EIF4G1: variants seen among roughly 807,000 people sequenced by gnomAD.
EIF4G1 encodes EIF4-gamma.
EIF4G1 carries 4 observed loss-of-function variants against 187.8 expected under a neutral mutation model. That is an observed-to-expected ratio of 0.02 (90% CI 0.01 to 0.05). The LOEUF is 0.05. Ranked by LOEUF, EIF4G1 falls within the 10% of genes least tolerant of loss-of-function variation. The pLI is 1.00. For missense variants in EIF4G1, 1,647 were observed against 2,081.1 expected, an observed-to-expected ratio of 0.79 and a Z score of 4.06; for synonymous variants, 844 against 781.4, an observed-to-expected ratio of 1.08 and a Z score of -1.34.
chr3:184,334,677 T>A lies in EIF4G1; in HGVS notation c.4619-50T>A. 1 of 1,612,270 alleles carries A rather than the reference T, an allele frequency of 6.2e-7. No individual in the cohort carries two copies. Among genetic ancestry groups the A allele is most frequent in the Non-Finnish European group, 8.5e-7 (1 of 1,178,748 alleles). ...CTTGGGAGGGTTCCCTGGGGTGGGC[T>A]GGGGTGGCGGTGGCCAGTCACCTCT... On this transcript the variant is annotated intron_variant, in intron 32 of 32. Coordinates refer to ENST00000346169, the MANE Select transcript of EIF4G1 (RefSeq NM_198241.3). This position sits in a 1 kb window ranked among gnomAD's most constrained non-coding sequence, Gnocchi z 5.8.
intron 32 of EIF4G1, among the ~76,000 whole-genome samples, chr3:184,332,378 A>G (rs1426238865): frequency 6.6e-6 from 1 of 152,160 alleles, no homozygotes; most frequent in Non-Finnish European, 1.5e-5. Context: ...GTGTGCCCCC[A>G]CGGCGTGGCA....
At position 184,325,682 on chromosome 3, in the gene EIF4G1, C is replaced by T. The variant is rs372312128; in HGVS notation, c.3121+43C>T. 204 of 1,613,998 alleles carry T rather than the reference C, an allele frequency of 1.3e-4. No individual in the cohort carries two copies. The highest frequency in any genetic ancestry group is 1.5e-4 in the Admixed American group (9 of 60,018). Reference sequence around the variant, plus strand: ...ATTGAGAAGGGAGCAGTGAAGGGACCGGGAGGTTATACTTTCCTCTGATGA... The same window carrying T: ...ATTGAGAAGGGAGCAGTGAAGGGACTGGGAGGTTATACTTTCCTCTGATGA... On this transcript the variant is annotated intron_variant, in intron 20 of 32. Transcript: ENST00000346169. This position sits in a 1 kb window ranked among gnomAD's most constrained non-coding sequence, Gnocchi z 5.2.
Position 184,326,073 on chromosome 3 carries a change from G to A in EIF4G1, c.3222+122G>A, listed in dbSNP as rs1724835268. 13 of 1,070,642 alleles carry A rather than the reference G, an allele frequency of 1.2e-5. No individual in the cohort carries two copies. The South Asian group carries it at 1.6e-4, about 13-fold the overall frequency. The allele number at this position is 1,070,642 out of a possible 1,614,324, so 66.3% of individuals were successfully genotyped here. ...CTTAGACTAACTGGTTGGATTGCTGGAGACAGGACTGCCAGCTGTAGAGGG... is the reference window on the plus strand; with the variant it reads ...CTTAGACTAACTGGTTGGATTGCTGAAGACAGGACTGCCAGCTGTAGAGGG... On this transcript the variant is annotated intron_variant, in intron 21 of 32. Coordinates refer to ENST00000346169, the MANE Select transcript of EIF4G1 (RefSeq NM_198241.3).
Position 184,334,589 on chromosome 3 carries a change from A to G in EIF4G1, c.4619-138A>G, listed in dbSNP as rs992818243. ...GAGATTAGCATCCTGTCAGAGGCCT[A>G]GTCACTCTGGAATGGCCACAAATGT... On this transcript the variant is annotated intron_variant, in intron 32 of 32. Transcript: ENST00000346169. This position sits in a 1 kb window ranked among gnomAD's most constrained non-coding sequence, Gnocchi z 5.8. The G allele has an allele frequency of 6.8e-5, 64 of 939,208 alleles. No individual in the cohort carries two copies. The highest frequency in any genetic ancestry group is 1.1e-4 in the Non-Finnish European group (63 of 592,424). The allele number at this position is 939,208 out of a possible 1,614,324, so 58.2% of individuals were successfully genotyped here. A position where few individuals can be genotyped will look rare whatever the true frequency, so the allele number is the denominator to read the frequency against.
Position 184,325,933 on chromosome 3 carries a change from A to G in EIF4G1, c.3204A>G (p.Arg1068=), listed in dbSNP as rs1218509496. 1 of 1,613,838 alleles carries G rather than the reference A, an allele frequency of 6.2e-7. No homozygotes were observed. Among genetic ancestry groups the G allele is most frequent in the Non-Finnish European group, 8.5e-7 (1 of 1,179,934 alleles). Residue 1068 remains arginine (R), a synonymous_variant, in exon 21 of 33, where the codon CGA becomes CGG. Coordinates refer to ENST00000346169, the MANE Select transcript of EIF4G1 (RefSeq NM_198241.3). This position sits in a 1 kb window ranked among gnomAD's most constrained non-coding sequence, Gnocchi z 5.2. ...SKGSRPIDTS[R]LTKITKPGSI... is the part of the protein sequence containing the mutation. ...GTAGCCGCCCCATTGACACCTCACG[A>G]CTCACCAAGATCACCAAGGTAGGGG...
At position 184,320,702 on chromosome 3, in the gene EIF4G1, T is replaced by C; in HGVS notation, c.610T>C (p.Ser204Pro). The change falls in exon 8 of 33, where the codon TCC becomes CCC. Residue 204 changes from serine (S) to proline (P), a missense_variant. By Grantham distance (74) the Ser-to-Pro change is moderately conservative. Around this residue, in one of 11 missense-constraint regions of EIF4G1, gnomAD observed 18 missense variants for 22.5 expected, o/e 0.80. Transcript: ENST00000346169. ...GATCATGTCTGGGGCCCGCACTGCCTCCACACCCACCCCTCCCCAGGTACT... is the reference window on the plus strand; with the variant it reads ...GATCATGTCTGGGGCCCGCACTGCCCCCACACCCACCCCTCCCCAGGTACT... ...EEIMSGARTA[S>P]TPTPPQTGGG... 1 of 1,614,140 alleles carries C rather than the reference T, an allele frequency of 6.2e-7. No individual in the cohort carries two copies. Among genetic ancestry groups the C allele is most frequent in the Non-Finnish European group, 8.5e-7 (1 of 1,180,000 alleles).
At position 184,323,274 on chromosome 3, in the gene EIF4G1, A is replaced by ATGC; in HGVS notation, c.2088+33_2088+34insTGC. On this transcript the variant is annotated intron_variant, in intron 14 of 32. Transcript: ENST00000346169. The surrounding 1 kb of genome is among the most constrained non-coding windows in gnomAD (Gnocchi z 6.9). ...GGGCTGGGTAAAGTGGCAGGTGGGC[A>ATGC]AGGAGTGGGAGTGGATGATTCCGTG... The ATGC allele has an allele frequency of 6.2e-7, 1 of 1,613,748 alleles. No individual in the cohort carries two copies. Among genetic ancestry groups the ATGC allele is most frequent in the South Asian group, 1.1e-5 (1 of 91,068 alleles).
chr3:184,326,746 G>C, intron 22 of EIF4G1, 117 bp downstream of exon 22: 2 of 1,482,160 alleles, frequency 1.3e-6, no homozygotes, highest in Admixed American at 1.7e-5. Context: ...GGCAATAGAG[G>C]AGGTTTGTGT....
Position 184,322,070 on chromosome 3 carries a change from T to A in EIF4G1, c.1486T>A (p.Ser496Thr). The A allele has an allele frequency of 1.2e-6, 2 of 1,614,036 alleles. No individual in the cohort carries two copies. The highest frequency in any genetic ancestry group is 1.7e-6 in the Non-Finnish European group (2 of 1,180,022). The stretch of plus-strand genomic sequence containing the variant: ...GAGTACCCCTATTCCAGCCAACTTG[T>A]CTCAGAATTTGGAGGCAGCAGCAGC... ...PESTPIPANLSQNLEAAAATQ... is the reference protein window; with the variant it reads ...PESTPIPANLTQNLEAAAATQ... The change falls in exon 10 of 33, where the codon TCT becomes ACT. Residue 496 changes from serine (S) to threonine (T), a missense_variant. Coordinates refer to ENST00000346169, the MANE Select transcript of EIF4G1 (RefSeq NM_198241.3).
At chr3:184,320,592 TC>T in intron 7 of EIF4G1, 37 bp from the exon 8 acceptor site, 1 of 1,613,902 alleles carries the variant, frequency 6.2e-7, no homozygotes, top group Non-Finnish European at 8.5e-7. Flanking sequence ...GGTGGGCTCT[TC>T]CTGCTTCCCA....
intron 6 of EIF4G1, 132 bp downstream of exon 6, chr3:184,317,948 A>G: frequency 1.4e-6 from 1 of 727,630 alleles, no homozygotes; most frequent in Non-Finnish European, 2.4e-6. Context: ...AATAGGTGGT[A>G]GGGATTGGTG....
rs775771995 is a variant in EIF4G1 at position 184,331,383 on chromosome 3, G to A, written c.4260+19G>A. 13 of 1,614,098 alleles carry A rather than the reference G, an allele frequency of 8.1e-6. No individual in the cohort carries two copies. The highest frequency in any genetic ancestry group is 1.1e-5 in the Non-Finnish European group (13 of 1,180,048). On this transcript the variant is annotated intron_variant, in intron 29 of 32. Coordinates refer to ENST00000346169, the MANE Select transcript of EIF4G1 (RefSeq NM_198241.3). ...TGAACAGGTTTGGGGATGGAGTTGG[G>A]TTAATTCTAGCATTTGAGGCTGGCC...
Position 184,321,462 on chromosome 3 carries a change from T to C in EIF4G1, c.878T>C (p.Ile293Thr), listed in dbSNP as rs754115089. ...LSIPGDTMTT[I>T]QMSVEESTPI... Reference sequence around the variant, plus strand: ...ATTCCTGGGGACACTATGACAACTATACAAATGTCTGTAGAAGAATCAACC... The same window carrying C: ...ATTCCTGGGGACACTATGACAACTACACAAATGTCTGTAGAAGAATCAACC... The change falls in exon 10 of 33, where the codon ATA (isoleucine) becomes ACA (threonine). Residue 293 changes from isoleucine to threonine, a missense_variant. Around this residue, in one of 11 missense-constraint regions of EIF4G1, gnomAD observed 522 missense variants for 485.2 expected, o/e 1.08. Transcript: ENST00000346169. The C allele has an allele frequency of 1.1e-5, 17 of 1,614,008 alleles. No homozygotes were observed. The highest frequency in any genetic ancestry group is 1.7e-5 in the Admixed American group (1 of 59,994).
chr3:184,320,535 G>A lies in EIF4G1; in HGVS notation c.538-95G>A. The A allele has an allele frequency of 3.1e-6, 5 of 1,605,274 alleles. No individual in the cohort carries two copies. In the South Asian group the frequency reaches 4.4e-5, roughly 14 times the overall value. ...CACCTACCTACCTGCTTCCCGCTGG[G>A]GGGTGGGGAGTTGGCCCAGAGTCTT... On this transcript the variant is annotated intron_variant, in intron 7 of 32. Transcript: ENST00000346169.
chr3:184,330,802 C>T lies in EIF4G1; in HGVS notation c.4162-464C>T, dbSNP rs937533379. Among the ~76,000 whole-genome samples, 12 of 152,104 alleles carry T rather than the reference C, an allele frequency of 7.9e-5. 1 individual carries two copies. The East Asian group carries it at 1.7e-3, about 22-fold the overall frequency. On this transcript the variant is annotated intron_variant, in intron 28 of 32. Coordinates refer to ENST00000346169, the MANE Select transcript of EIF4G1 (RefSeq NM_198241.3). Reference sequence around the variant, plus strand: ...TGTCGCCCAGGCTGGAGTGCAGTGGCGTGATCTCAGCTCATTGCAACCCTC... The same window carrying T: ...TGTCGCCCAGGCTGGAGTGCAGTGGTGTGATCTCAGCTCATTGCAACCCTC...
rs779029056 is a variant in EIF4G1, at chr3:184,325,082, A to G, written c.2824A>G (p.Ile942Val). The change falls in exon 18 of 33, where the codon ATT becomes GTT. Residue 942 changes from isoleucine (I) to valine (V), a missense_variant. Ile to Val is a conservative substitution (Grantham distance 29). This residue lies in a region of EIF4G1 where 142 missense variants were observed against 296.6 expected (regional missense o/e 0.48). Coordinates refer to ENST00000346169, the MANE Select transcript of EIF4G1 (RefSeq NM_198241.3). The surrounding 1 kb of genome is among the most constrained non-coding windows in gnomAD (Gnocchi z 5.2). ...LECLCRLLTT[I>V]GKDLDFEKAK... ...GTGCCTTTGTCGTCTGCTCACCACC[A>G]TTGGCAAAGACCTGGACTTTGAAAA... 7 of 1,614,132 alleles carry G rather than the reference A, an allele frequency of 4.3e-6. No homozygotes were observed. In the Admixed American group the frequency reaches 1.0e-4, roughly 23 times the overall value.
intron 7 of EIF4G1, chr3:184,320,425 T>C: frequency 2.0e-6 from 3 of 1,477,840 alleles, no homozygotes; most frequent in Non-Finnish European, 2.7e-6. Flanking sequence ...CTCTGTGAGA[T>C]CAAGGGTCTC....
intron 6 of EIF4G1, among the ~76,000 whole-genome samples, chr3:184,318,900 T>G (rs942670629): frequency 2.6e-5 from 4 of 152,204 alleles, no homozygotes; most frequent in Admixed American, 2.6e-4. Flanking sequence ...CCACCACGCC[T>G]GGCCCTGTCT....
chr3:184,333,899 G>A (rs1257368213), intron 32 of EIF4G1, among the ~76,000 whole-genome samples: 1 of 152,186 alleles, frequency 6.6e-6, no homozygotes, highest in Admixed American at 6.5e-5. Context: ...CGGGTTAAGT[G>A]AAGGTTCTGC....
Sources: gnomAD v4.1 joint callset for allele counts (sites outside exome capture counted in the v4.1 genomes callset) on GRCh38, gnomAD v4.1.1 for gene constraint, gnomAD v4.1.1 regional missense constraint, Gnocchi (gnomAD v3.1) non-coding constraint, MANE v1.5 for transcripts, NCBI Gene and HGNC (gene_info 2026-07-23, HGNC 2026-07-21) for gene names.